Variants in SEMA3D observed in about 807,000 individuals in gnomAD.
SEMA3D encodes semaphorin 3D, also known as semaphorin-3D.
Under a neutral mutation model 100.1 loss-of-function variants are expected in SEMA3D, and 84 were observed. The ratio of observed to expected loss-of-function variants is 0.84; its 90% confidence interval spans 0.70 to 1.01. SEMA3D has a LOEUF of 1.01. Among genes scored for constraint, SEMA3D ranks in the 50% least tolerant of loss-of-function variants. SEMA3D has a pLI of 0.00. For synonymous variants in SEMA3D, 312 were observed against 320.7 expected (o/e 0.97, Z 0.29); for missense variants, 875 against 934.1 (o/e 0.94, Z 0.82).
intron 2 of SEMA3D, among the ~76,000 whole-genome samples, chr7:85,128,967 T>C (rs1789643778): frequency 6.7e-6 from 1 of 148,288 alleles, no homozygotes; most frequent in Admixed American, 6.9e-5. Context: ...CCACAGCTCA[T>C]GGCAGCCTGG....
chr7:85,029,435 T>A (rs763325954), intron 12 of SEMA3D: 62 of 771,222 alleles, frequency 8.0e-5, no homozygotes, highest in Non-Finnish European at 1.4e-4. Context: ...AAACTTCAAG[T>A]CAAGATTAAC....
At position 85,129,219 on chromosome 7, in the gene SEMA3D, T is replaced by C. The variant is rs529403549; in HGVS notation, c.-40-7288A>G. Among the ~76,000 whole-genome samples, 5 of 152,210 alleles carry C rather than the reference T, an allele frequency of 3.3e-5. No individual in the cohort carries two copies. The South Asian group carries it at 6.2e-4, about 19-fold the overall frequency. On this transcript the variant is annotated intron_variant, in intron 2 of 18. Transcript: ENST00000284136. ...TTTATTATATTTTAAAATATTATCA[T>C]GGTGTTTCTTTCAGCAGCACTTATT...
the SEMA3D span, among the ~76,000 whole-genome samples, chr7:85,249,137 C>G: frequency 6.6e-6 from 1 of 152,080 alleles, no homozygotes; most frequent in African/African-American, 2.4e-5. Context: ...TAAAATCACT[C>G]TAAACTATAG....
chr7:85,154,031 C>G (rs1044956230), intron 1 of SEMA3D, among the ~76,000 whole-genome samples: 2 of 152,090 alleles, frequency 1.3e-5, no homozygotes, highest in African/African-American at 4.8e-5. Context: ...TCAGACAAAT[C>G]CAGAATATTT....
At chr7:85,154,596 T>G in intron 1 of SEMA3D, among the ~76,000 whole-genome samples, 1 of 152,142 alleles carries the variant, frequency 6.6e-6, no homozygotes, top group East Asian at 1.9e-4. Flanking sequence ...GTGACTTTTA[T>G]TGCAAATGAA....
chr7:85,130,205 T>C (rs1198391061), intron 2 of SEMA3D, among the ~76,000 whole-genome samples: 4 of 152,166 alleles, frequency 2.6e-5, no homozygotes, highest in Admixed American at 6.6e-5. Flanking sequence ...TTGAATTTCA[T>C]GGTATTTGAC....
chr7:85,117,942 A>G (rs181041937), intron 3 of SEMA3D, among the ~76,000 whole-genome samples: 1 of 151,786 alleles, frequency 6.6e-6, no homozygotes, highest in Non-Finnish European at 1.5e-5. Context: ...TAGAGCTTGT[A>G]AGAATTTAAA....
Position 85,152,397 on chromosome 7 carries a change from C to T in SEMA3D, c.-41+1211G>A, listed in dbSNP as rs1308103867. On this transcript the variant is annotated intron_variant, in intron 2 of 18. Transcript: ENST00000284136. The stretch of plus-strand genomic sequence containing the variant: ...TAGTCAAAAGACATCATTGTTCTTG[C>T]CCTAAAATTAATAGTTTATAATCTG... 3.9e-5 allele frequency among the ~76,000 whole-genome samples: 6 copies of T among 152,004 alleles called. 1 individual carries two copies. The highest frequency in any genetic ancestry group is 3.9e-4 in the Admixed American group (6 of 15,242).
At chr7:85,168,278 T>A (rs1331263772) in intron 1 of SEMA3D, among the ~76,000 whole-genome samples, 2 of 151,886 alleles carry the variant, frequency 1.3e-5, no homozygotes, top group East Asian at 3.9e-4. Context: ...GAAAGTTTCA[T>A]CCTTTCTACA....
intron 15 of SEMA3D, among the ~76,000 whole-genome samples, chr7:85,016,604 G>C (rs1216332781): frequency 6.6e-6 from 1 of 151,416 alleles, no homozygotes; most frequent in Admixed American, 6.6e-5. Flanking sequence ...TGGATTACTT[G>C]TAAGTGTCCT....
chr7:85,017,144 T>C (rs1790127159), intron 15 of SEMA3D, among the ~76,000 whole-genome samples: 1 of 151,664 alleles, frequency 6.6e-6, no homozygotes, highest in Non-Finnish European at 1.5e-5. Context: ...CCCCTTCTGG[T>C]TGGCATATAC....
intron 2 of SEMA3D, chr7:85,143,017 T>C: frequency 4.2e-6 from 4 of 961,544 alleles, no homozygotes; most frequent in Non-Finnish European, 4.9e-6. Context: ...TTTCAATAAA[T>C]ATGGCTTTCA....
chr7:85,059,910 C>T (rs1791426651), intron 8 of SEMA3D, among the ~76,000 whole-genome samples: 1 of 152,114 alleles, frequency 6.6e-6, no homozygotes, highest in African/African-American at 2.4e-5. Flanking sequence ...ATATGAAAAA[C>T]ATCATCCAAG....
At chr7:85,239,231 A>T in the SEMA3D span, among the ~76,000 whole-genome samples, 2 of 152,112 alleles carry the variant, frequency 1.3e-5, no homozygotes, top group South Asian at 2.1e-4. Context: ...CTTAATCTCC[A>T]TTGTGGTAGT....
At chr7:85,115,125 C>T (rs942342817) in intron 3 of SEMA3D, among the ~76,000 whole-genome samples, 3 of 152,150 alleles carry the variant, frequency 2.0e-5, no homozygotes, top group African/African-American at 7.2e-5. Context: ...CAAATATCAG[C>T]ATGATGATTC....
chr7:85,073,039 T>C lies in SEMA3D; in HGVS notation c.418A>G (p.Lys140Glu), dbSNP rs193226372. The C allele has an allele frequency of 1.2e-6, 2 of 1,612,136 alleles. No individual in the cohort carries two copies. Among genetic ancestry groups the C allele is most frequent in the East Asian group, 4.5e-5 (2 of 44,830 alleles). ...GTTCCACACACATATATGTGAGTTT[T>C]GTTATAGGGCTGAAGTACTCTGATG... The part of the protein sequence containing the change: ...NFIRVLQPYN[K>E]THIYVCGTGA... The change falls in exon 6 of 19, where the codon AAA becomes GAA. Residue 140 changes from lysine (K) to glutamate (E), a missense_variant. Transcript: ENST00000284136.
chr7:85,225,797 G>A, the SEMA3D span, among the ~76,000 whole-genome samples: 157 of 152,218 alleles, frequency 1.0e-3, no homozygotes, highest in African/African-American at 3.7e-3. Flanking sequence ...GGGGTACTGA[G>A]GAGGCGAGCC....
At chr7:85,247,999 CA>C in the SEMA3D span, among the ~76,000 whole-genome samples, 1 of 151,620 alleles carries the variant, frequency 6.6e-6, no homozygotes, top group Non-Finnish European at 1.5e-5. Context: ...AGATACCATG[CA>C]AAAGGCATAA....
At chr7:85,223,900 A>G in the SEMA3D span, among the ~76,000 whole-genome samples, 12 of 149,842 alleles carry the variant, frequency 8.0e-5, no homozygotes, top group African/African-American at 2.9e-4. Flanking sequence ...AAAGCTGTTG[A>G]AAAAAAAAAG....
Sources: gnomAD v4.1 joint callset for allele counts (sites outside exome capture counted in the v4.1 genomes callset) on GRCh38, gnomAD v4.1.1 for gene constraint, MANE v1.5 for transcripts, NCBI Gene and HGNC (gene_info 2026-07-23, HGNC 2026-07-21) for gene names.